Variants in GPC5 observed in about 807,000 individuals in gnomAD.
The protein encoded by GPC5 is glypican-5.
A neutral mutation model predicts 53.9 loss-of-function variants in GPC5; 47 were observed. The ratio of observed to expected loss-of-function variants is 0.87; its 90% CI spans 0.69 to 1.11. The LOEUF is 1.11. Ranked by LOEUF, GPC5 falls within the 50% of genes most tolerant of loss-of-function variation. GPC5 has a pLI of 0.00. For missense variants in GPC5, 748 were observed against 713.1 expected, an observed-to-expected ratio of 1.05 and a Z score of -0.56; for synonymous variants, 286 against 263.3, an observed-to-expected ratio of 1.09 and a Z score of -0.84.
At chr13:91,483,999 G>A (rs1883451390) in intron 2 of GPC5, among the ~76,000 whole-genome samples, 1 of 152,058 alleles carries the variant, frequency 6.6e-6, no homozygotes, top group African/African-American at 2.4e-5. Context: ...TTAATTTTTA[G>A]AGCCAGAATT....
chr13:92,095,944 G>A (rs2041418948), intron 6 of GPC5, among the ~76,000 whole-genome samples: 1 of 152,102 alleles, frequency 6.6e-6, no homozygotes, highest in Non-Finnish European at 1.5e-5. Context: ...ATACATTATT[G>A]ATGTAGAAAA....
At chr13:92,033,053 G>GTGTGTGTGTT (rs1555305898) in intron 6 of GPC5, among the ~76,000 whole-genome samples, 1 of 151,532 alleles carries the variant, frequency 6.6e-6, no homozygotes, top group Non-Finnish European at 1.5e-5. Context: ...GTGTGTGTGT[G>GTGTGTGTGTT]TGTGTGTGTG....
At chr13:92,863,473 G>A (rs898650963) in intron 7 of GPC5, among the ~76,000 whole-genome samples, 3 of 152,146 alleles carry the variant, frequency 2.0e-5, no homozygotes, top group Non-Finnish European at 4.4e-5. Flanking sequence ...CCTTAGCAGA[G>A]CACTCCCTGA....
At chr13:91,706,673 ACTGCT>A (rs1566625408) in intron 3 of GPC5, among the ~76,000 whole-genome samples, 1 of 152,162 alleles carries the variant, frequency 6.6e-6, no homozygotes, top group African/African-American at 2.4e-5. Flanking sequence ...AATTCATTTA[ACTGCT>A]CCCCAAGTAG....
intron 7 of GPC5, among the ~76,000 whole-genome samples, chr13:92,311,044 GA>G (rs1166110036): frequency 6.6e-6 from 1 of 151,864 alleles, no homozygotes; most frequent in African/African-American, 2.4e-5. Flanking sequence ...AAAATAGAGA[GA>G]AAAAATAAAA....
At chr13:91,417,765 G>A (rs938165465) in intron 1 of GPC5, among the ~76,000 whole-genome samples, 19 of 152,092 alleles carry the variant, frequency 1.2e-4, no homozygotes, top group Admixed American at 1.2e-3. Flanking sequence ...AGCCCTTCAG[G>A]TAGTCTTTGT....
At chr13:91,846,277 A>G (rs555839969) in intron 5 of GPC5, among the ~76,000 whole-genome samples, 2 of 152,136 alleles carry the variant, frequency 1.3e-5, no homozygotes, top group East Asian at 3.9e-4. Context: ...TTAACATATA[A>G]TCCTAAACTG....
At chr13:91,576,636 C>A (rs967771486) in intron 2 of GPC5, among the ~76,000 whole-genome samples, 2 of 152,164 alleles carry the variant, frequency 1.3e-5, no homozygotes, top group African/African-American at 4.8e-5. Context: ...CAGGACCACG[C>A]TGCCCCTCCT....
chr13:92,237,692 T>C (rs1381846775), intron 7 of GPC5, among the ~76,000 whole-genome samples: 1 of 152,184 alleles, frequency 6.6e-6, no homozygotes, highest in African/African-American at 2.4e-5. Context: ...AACTATAGAA[T>C]GTATTCACTT....
intron 5 of GPC5, among the ~76,000 whole-genome samples, chr13:91,903,941 TAAGAA>T (rs2039524935): frequency 1.3e-5 from 2 of 152,122 alleles, no homozygotes; most frequent in South Asian, 4.1e-4. Context: ...TAATTAAAAT[TAAGAA>T]AAGAGTCTCA....
intron 5 of GPC5, among the ~76,000 whole-genome samples, chr13:91,768,395 T>G (rs2037562623): frequency 6.6e-6 from 1 of 152,188 alleles, no homozygotes; most frequent in Non-Finnish European, 1.5e-5. Flanking sequence ...AATGCCACAT[T>G]TTGGCTTACA....
intron 6 of GPC5, among the ~76,000 whole-genome samples, chr13:92,125,273 G>A (rs886390965): frequency 6.6e-6 from 1 of 152,134 alleles, no homozygotes; most frequent in African/African-American, 2.4e-5. Context: ...AGAGTCAGAG[G>A]CCACAGCTAA....
At chr13:92,385,546 ATACATATATG>A (rs2139315527) in intron 7 of GPC5, among the ~76,000 whole-genome samples, 1 of 145,498 alleles carries the variant, frequency 6.9e-6, no homozygotes, top group Non-Finnish European at 1.5e-5. Context: ...ATATGCATAT[ATACATATATG>A]CATATATACA....
intron 2 of GPC5, among the ~76,000 whole-genome samples, chr13:91,538,704 T>G (rs895018466): frequency 6.6e-6 from 1 of 150,722 alleles, no homozygotes; most frequent in African/African-American, 2.4e-5. Context: ...TGCCTCAGCC[T>G]CCTGAGTAGC....
At chr13:92,371,805 T>G (rs1162968441) in intron 7 of GPC5, among the ~76,000 whole-genome samples, 1 of 152,162 alleles carries the variant, frequency 6.6e-6, no homozygotes, top group Non-Finnish European at 1.5e-5. Flanking sequence ...GGATTACAAT[T>G]CAAGATGAGG....
At chr13:91,603,656 TGAA>T in intron 2 of GPC5, among the ~76,000 whole-genome samples, 1 of 152,344 alleles carries the variant, frequency 6.6e-6, no homozygotes, top group South Asian at 2.1e-4. Context: ...AATTTTGATA[TGAA>T]GTTTTGAAGG....
chr13:92,660,684 T>C (rs770932309), intron 7 of GPC5, among the ~76,000 whole-genome samples: 52 of 152,064 alleles, frequency 3.4e-4, no homozygotes, highest in Non-Finnish European at 5.7e-4. Context: ...ATTTTGCATA[T>C]TGCATTTAGT....
intron 7 of GPC5, among the ~76,000 whole-genome samples, chr13:92,717,217 A>T (rs1214626949): frequency 6.6e-6 from 1 of 152,136 alleles, no homozygotes; most frequent in East Asian, 1.9e-4. Context: ...ACATTCAAAG[A>T]GATGGTATCA....
intron 7 of GPC5, among the ~76,000 whole-genome samples, chr13:92,744,099 A>G (rs915664688): frequency 6.6e-6 from 1 of 152,098 alleles, no homozygotes; most frequent in Non-Finnish European, 1.5e-5. Flanking sequence ...GATTAGGGTC[A>G]TCTCCTCTAG....
Sources: gnomAD v4.1 joint callset for allele counts (sites outside exome capture counted in the v4.1 genomes callset) on GRCh38, gnomAD v4.1.1 for gene constraint, MANE v1.5 for transcripts, NCBI Gene and HGNC (gene_info 2026-07-23, HGNC 2026-07-21) for gene names.